The following ANO8 variants were observed in gnomAD, a reference collection of about 807,000 sequenced individuals.
The protein encoded by ANO8 is anoctamin 8.
A neutral mutation model predicts 120.4 loss-of-function variants in ANO8; 67 were observed. The observed-to-expected ratio is 0.56, with a 90% CI of 0.46 to 0.68. The LOEUF (loss-of-function observed/expected upper bound fraction) is 0.68. Among genes scored for constraint, ANO8 ranks in the 30% least tolerant of loss-of-function variants. The pLI is 0.00. For missense variants in ANO8, 1,526 were observed against 1,737.6 expected (o/e 0.88, Z 2.16); for synonymous variants, 727 against 759.2 (o/e 0.96, Z 0.70).
rs372864855 is a variant in ANO8 at position 17,329,943 on chromosome 19, G to A, written c.1329+16C>T. On this transcript the variant is annotated intron_variant, in intron 11 of 17. Coordinates refer to ENST00000159087, the MANE Select transcript of ANO8 (RefSeq NM_020959.3). ...TTCCCCGTTGTCCCCCTGCCTGTCC[G>A]ATGGTGGTGACTCACCAGGACAACT... 3.8e-5 allele frequency: 61 copies of A among 1,613,966 alleles called. No individual in the cohort carries two copies. The highest frequency in any genetic ancestry group is 4.0e-5 in the Non-Finnish European group (47 of 1,180,016).
At position 17,328,898 on chromosome 19, in the gene ANO8, C is replaced by T. The variant is rs1269136966; in HGVS notation, c.1490G>A (p.Arg497His). 1 of 1,505,168 alleles carries T rather than the reference C, an allele frequency of 6.6e-7. No homozygotes were observed. The highest frequency in any genetic ancestry group is 8.8e-7 in the Non-Finnish European group (1 of 1,130,470). The allele number at this position is 1,505,168 out of a possible 1,614,324, so 93.2% of individuals were successfully genotyped here. A position where few individuals can be genotyped will look rare whatever the true frequency, so the allele number is the denominator to read the frequency against. ...GACGGCCCGCAGGCCCAGCTCGCCG[C>T]GGCCCAGGCGCCGGTACAGGTGCGG... ...LQPHLYRRLG[R>H]GELGLRAVWE... Residue 497 changes from arginine (R) to histidine (H), a missense_variant, in exon 13 of 18, where the codon CGC becomes CAC. Physicochemically the swap from Arg to His is conservative, Grantham distance 29. Coordinates refer to ENST00000159087, the MANE Select transcript of ANO8 (RefSeq NM_020959.3).
Position 17,333,057 on chromosome 19 carries a change from C to A in ANO8, c.490-31G>T. 6.2e-7 allele frequency: 1 copy of A among 1,614,050 alleles called. No individual in the cohort carries two copies. Among genetic ancestry groups the A allele is most frequent in the Non-Finnish European group, 8.5e-7 (1 of 1,179,986 alleles). On this transcript the variant is annotated intron_variant, in intron 4 of 17. Coordinates refer to ENST00000159087, the MANE Select transcript of ANO8 (RefSeq NM_020959.3). The surrounding 1 kb of genome is among the most constrained non-coding windows in gnomAD (Gnocchi z 7.2). Reference sequence around the variant, plus strand: ...AGGAAGAGGGCGTGAGCTCAGGGAACTCATAGGCACAGGATGCATGCGGGG... The same window carrying A: ...AGGAAGAGGGCGTGAGCTCAGGGAAATCATAGGCACAGGATGCATGCGGGG...
At chr19:17,329,257 C>G (rs1445260543) in intron 12 of ANO8, 3 of 418,740 alleles carry the variant, frequency 7.2e-6, no homozygotes, top group Admixed American at 8.9e-5. Flanking sequence ...TGCACTGGGC[C>G]GCGTGCGCCC....
In ANO8 at chr19:17,334,733, G is replaced by A. The variant is rs532844951; in HGVS notation, c.-63C>T. The A allele has an allele frequency of 6.2e-6, 8 of 1,294,112 alleles. No homozygotes were observed. Among genetic ancestry groups the A allele is most frequent in the African/African-American group, 1.6e-5 (1 of 63,554 alleles). 80.2% of individuals were successfully genotyped at this position (1,294,112 alleles called of 1,614,324 possible). A position where few individuals can be genotyped will look rare whatever the true frequency, so the allele number is the denominator to read the frequency against. Reference sequence around the variant, plus strand: ...GGGCGACGGGGAGCCGCGGGCTCATGGGGCCGGTGCAGCCGCGGAGCGCGC... The same window carrying A: ...GGGCGACGGGGAGCCGCGGGCTCATAGGGCCGGTGCAGCCGCGGAGCGCGC... On this transcript the variant is annotated 5_prime_UTR_variant, in exon 1 of 18. Transcript: ENST00000159087.
chr19:17,326,190 C>A (rs983425304), intron 16 of ANO8, among the ~76,000 whole-genome samples: 2 of 152,186 alleles, frequency 1.3e-5, no homozygotes, highest in Non-Finnish European at 2.9e-5. Flanking sequence ...TCCCCTGCTT[C>A]CCAGAGAACA....
Position 17,329,835 on chromosome 19 carries a change from C to G in ANO8, c.1330-4G>C, listed in dbSNP as rs1388307104. On this transcript the variant is annotated splice_polypyrimidine_tract_variant and splice_region_variant and intron_variant, in intron 11 of 17. Coordinates refer to ENST00000159087, the MANE Select transcript of ANO8 (RefSeq NM_020959.3). ...GGTACGAGTTGACAAACTGGAACTG[C>G]AGGAAGGAGGCAGGCGGTGGTCATC... The G allele has an allele frequency of 1.9e-6, 3 of 1,613,938 alleles. No individual in the cohort carries two copies. In the South Asian group the frequency reaches 3.3e-5, roughly 18 times the overall value.
In ANO8 at chr19:17,330,382, G is replaced by T; in HGVS notation, c.1116C>A (p.Phe372Leu). The T allele has an allele frequency of 1.3e-6, 2 of 1,593,352 alleles. No individual in the cohort carries two copies. Among genetic ancestry groups the T allele is most frequent in the South Asian group, 2.3e-5 (2 of 88,692 alleles). Reference protein sequence around the residue: ...PLCLACLVCVFLLMLGCFQLQ... With the variant: ...PLCLACLVCVLLLMLGCFQLQ... ...GCTGGAAGCAGCCAAGCATGAGCAAGAAGACACAGACGAGGCACGCCAGGC... is the reference window on the plus strand; with the variant it reads ...GCTGGAAGCAGCCAAGCATGAGCAATAAGACACAGACGAGGCACGCCAGGC... Residue 372 changes from phenylalanine to leucine, a missense_variant, in exon 9 of 18, where the codon TTC becomes TTA. By Grantham distance (22) the Phe-to-Leu change is conservative. Coordinates refer to ENST00000159087, the MANE Select transcript of ANO8 (RefSeq NM_020959.3).
In ANO8 at chr19:17,328,827, G is replaced by A; in HGVS notation, c.1561C>T (p.Pro521Ser). Residue 521 changes from proline to serine, a missense_variant, in exon 13 of 18, where the codon CCT (proline) becomes TCT (serine). Coordinates refer to ENST00000159087, the MANE Select transcript of ANO8 (RefSeq NM_020959.3). ...TGGGGTTCGAGGCGGCGGGGCGCAG[G>A]GCGCCGGAGGCTCAGGAGGCCAAGC... ...ALLGLLSLRRPAPRRLEPQAD... is the reference protein window; with the variant it reads ...ALLGLLSLRRSAPRRLEPQAD... The A allele has an allele frequency of 7.0e-7, 1 of 1,436,956 alleles. No individual in the cohort carries two copies. Among genetic ancestry groups the A allele is most frequent in the Non-Finnish European group, 9.1e-7 (1 of 1,099,630 alleles). 89.0% of individuals were successfully genotyped at this position (1,436,956 alleles called of 1,614,324 possible).
Position 17,328,325 on chromosome 19 carries a change from T to C in ANO8, c.2063A>G (p.Asp688Gly). Residue 688 changes from aspartate (D) to glycine (G), a missense_variant, in exon 13 of 18, where the codon GAC becomes GGC. This residue lies in a region of ANO8 where 467 missense variants were observed against 425.8 expected (regional missense o/e 1.10). Coordinates refer to ENST00000159087, the MANE Select transcript of ANO8 (RefSeq NM_020959.3). The stretch of plus-strand genomic sequence containing the variant: ...GTCCGGGCCCCCGTCGGGCCCCTGG[T>C]CTCGGCCCTCGCCCCCGGCCCGGCG... ...LFRRAGGEGR[D>G]QGPDGGPDPE... The C allele has an allele frequency of 1.3e-6, 2 of 1,590,750 alleles. No homozygotes were observed. Among genetic ancestry groups the C allele is most frequent in the Non-Finnish European group, 1.7e-6 (2 of 1,171,408 alleles).
rs1386838167 is a variant in ANO8, at chr19:17,333,503, C to T, written c.269G>A (p.Gly90Asp). 9.3e-6 allele frequency: 15 copies of T among 1,612,838 alleles called. No individual in the cohort carries two copies. Among genetic ancestry groups the T allele is most frequent in the Non-Finnish European group, 1.3e-5 (15 of 1,179,988 alleles). ...GACTTGCACGATGAGCTCGGGAATG[C>T]CCACGCGGATGTGGTTCAGCAGCCA... is the stretch of plus-strand genomic sequence containing the variant. ...LLWLLNHIRVGIPELIVQVRH... is the reference protein window; with the variant it reads ...LLWLLNHIRVDIPELIVQVRH... Residue 90 changes from glycine to aspartate, a missense_variant, in exon 3 of 18, where the codon GGC becomes GAC. Coordinates refer to ENST00000159087, the MANE Select transcript of ANO8 (RefSeq NM_020959.3). The surrounding 1 kb of genome is among the most constrained non-coding windows in gnomAD (Gnocchi z 7.2).
chr19:17,327,965 C>T (rs1171358304), intron 13 of ANO8, 85 bp from the exon 14 acceptor site: 1 of 1,532,280 alleles, frequency 6.5e-7, no homozygotes, highest in Non-Finnish European at 8.8e-7. Context: ...CAGATTATCC[C>T]ATGTGGACCC....
Position 17,333,804 on chromosome 19 carries a change from G to C in ANO8, c.107-4C>G. On this transcript the variant is annotated splice_polypyrimidine_tract_variant and splice_region_variant and intron_variant, in intron 1 of 17. Coordinates refer to ENST00000159087, the MANE Select transcript of ANO8 (RefSeq NM_020959.3). This position sits in a 1 kb window ranked among gnomAD's most constrained non-coding sequence, Gnocchi z 7.2. ...AGCCGCTTTCCGAAAAGCTTATCTA[G>C]GGGGCGGCGTAGCAGGCCCGGGTCA... 1 of 1,584,168 alleles carries C rather than the reference G, an allele frequency of 6.3e-7. No individual in the cohort carries two copies. Among genetic ancestry groups the C allele is most frequent in the Non-Finnish European group, 8.6e-7 (1 of 1,166,798 alleles).
rs1481489902 is a variant in ANO8 at position 17,328,198 on chromosome 19, G to T, written c.2190C>A (p.Thr730=). The T allele has an allele frequency of 1.9e-6, 3 of 1,582,896 alleles. No homozygotes were observed. Among genetic ancestry groups the T allele is most frequent in the Non-Finnish European group, 2.6e-6 (3 of 1,157,226 alleles). ...TCATACAGCTCTCCAGCTCTGCCTG[G>T]GTGAGCTGGGGCGAGTGTTCCTCCT... is the stretch of plus-strand genomic sequence containing the variant. The part of the protein sequence containing the change: ...PPEEEHSPQL[T]QAELESCMKK... The change falls in exon 13 of 18, where the codon ACC becomes ACA. Residue 730 remains threonine (T), a synonymous_variant. Coordinates refer to ENST00000159087, the MANE Select transcript of ANO8 (RefSeq NM_020959.3).
intron 12 of ANO8, chr19:17,329,244 CGGTGCACTGGG>C: frequency 2.3e-6 from 1 of 443,764 alleles, no homozygotes; most frequent in Non-Finnish European, 4.0e-6. Context: ...CGGGCTCTGT[CGGTGCACTGGG>C]CCGCGTGCGC....
rs1169587456 is a variant in ANO8, at chr19:17,328,603, TTCCTCCTCG to T, written c.1776_1784del (p.Asp592_Glu594del). 2.5e-5 allele frequency: 39 copies of T among 1,541,332 alleles called. No individual in the cohort carries two copies. Among genetic ancestry groups the T allele is most frequent in the Non-Finnish European group, 3.1e-5 (36 of 1,143,106 alleles). On this transcript the variant is annotated inframe_deletion, in exon 13 of 18. Transcript: ENST00000159087. Reference sequence around the variant, plus strand: ...CCTCGCCCTCCTCCTCGTCCTCCTCTTCCTCCTCGTCCTCCTCCTCCTCGTCGTCCTCGT... The same window carrying T: ...CCTCGCCCTCCTCCTCGTCCTCCTCTTCCTCCTCCTCCTCGTCGTCCTCGT...
chr19:17,327,758 G>A lies in ANO8; in HGVS notation c.2349C>T (p.Asp783=), dbSNP rs777149212. Residue 783 remains aspartate (D), a synonymous_variant, in exon 14 of 18, where the codon GAC becomes GAT. Transcript: ENST00000159087. ...GCAGCCCGGTGCACAGCTTGAAGGC[G>A]TCGCTGCGGATCTCAATGAGGTTGT... ...LVNNLIEIRS[D]AFKLCTGLQR... 25 of 1,614,108 alleles carry A rather than the reference G, an allele frequency of 1.5e-5. No individual in the cohort carries two copies. The highest frequency in any genetic ancestry group is 1.2e-4 in the South Asian group (11 of 91,084).
chr19:17,327,432 C>T lies in ANO8; in HGVS notation c.2550+6G>A. 6.2e-7 allele frequency: 1 copy of T among 1,603,062 alleles called. No individual in the cohort carries two copies. Among genetic ancestry groups the T allele is most frequent in the Non-Finnish European group, 8.5e-7 (1 of 1,174,916 alleles). ...CAGCTGCCCCCGCCCCTGTCGCCGG[C>T]CCCACCTCGAGCACTACCACCGACA... On this transcript the variant is annotated splice_donor_region_variant and intron_variant, in intron 15 of 17. Coordinates refer to ENST00000159087, the MANE Select transcript of ANO8 (RefSeq NM_020959.3).
intron 17 of ANO8, 147 bp from the exon 18 acceptor site, chr19:17,324,031 C>A: frequency 1.1e-6 from 1 of 937,944 alleles, no homozygotes; most frequent in Non-Finnish European, 1.3e-6. Context: ...GGGCGGCCCC[C>A]TGGGCGGCTT....
In ANO8 at chr19:17,330,476, C is replaced by A. The variant is rs759924273; in HGVS notation, c.1022G>T (p.Arg341Leu). The A allele has an allele frequency of 2.6e-6, 4 of 1,548,972 alleles. No homozygotes were observed. Among genetic ancestry groups the A allele is most frequent in the Non-Finnish European group, 3.5e-6 (4 of 1,146,098 alleles). The change falls in exon 9 of 18, where the codon CGG becomes CTG. Residue 341 changes from arginine to leucine, a missense_variant. This residue lies in a region of ANO8 where 322 missense variants were observed against 431.8 expected (regional missense o/e 0.75). Transcript: ENST00000159087. ...GGGCGGGTAGTAGAACTCCTCGGCC[C>A]GCGTGATGGGGCTGATACGTCGCAC... ...RGVRRISPITRAEEFYYPPWK... is the reference protein window; with the variant it reads ...RGVRRISPITLAEEFYYPPWK...
Sources: allele counts gnomAD v4.1 joint callset (sites outside exome capture counted in the v4.1 genomes callset), GRCh38; gene constraint gnomAD v4.1.1; regional missense constraint gnomAD v4.1.1; non-coding constraint Gnocchi (gnomAD v3.1); transcripts MANE v1.5; gene names NCBI Gene and HGNC (gene_info 2026-07-23, HGNC 2026-07-21).